The following FOXP2 variants were observed in gnomAD, a reference collection of about 807,000 sequenced individuals.
FOXP2 encodes forkhead box protein P2.
In FOXP2, 12 loss-of-function variants were observed where a neutral mutation model predicts 115.8. The ratio of observed to expected loss-of-function variants is 0.10; its 90% CI spans 0.07 to 0.17. FOXP2 has a LOEUF of 0.17. FOXP2 is among the 10% of genes least tolerant of loss of function. The pLI is 1.00. For missense variants in FOXP2, 629 were observed against 843.5 expected, an observed-to-expected ratio of 0.75 and a Z score of 3.15; for synonymous variants, 328 against 297.7, an observed-to-expected ratio of 1.10 and a Z score of -1.05.
chr7:114,127,648 A>G (rs1791752065), intron 1 of FOXP2, among the ~76,000 whole-genome samples: 1 of 152,242 alleles, frequency 6.6e-6, no homozygotes, highest in Admixed American at 6.5e-5. Context: ...AGGTAGAAAC[A>G]TGAAAAGAAG....
chr7:114,587,877 T>TTTTATATATATATA (rs1802217431), intron 3 of FOXP2, among the ~76,000 whole-genome samples: 1 of 43,220 alleles, frequency 2.3e-5, no homozygotes, highest in South Asian at 1.0e-3. Flanking sequence ...TAAGAGATAA[T>TTTTATATATATATA]TAAATCCACC....
At chr7:114,099,988 T>C (rs1005904762) in intron 1 of FOXP2, among the ~76,000 whole-genome samples, 1 of 152,232 alleles carries the variant, frequency 6.6e-6, no homozygotes, top group Admixed American at 6.5e-5. Context: ...GTAATCTTTC[T>C]ACTGTCTATG....
At chr7:114,386,238 C>T (rs907716811) in intron 2 of FOXP2, among the ~76,000 whole-genome samples, 1 of 152,082 alleles carries the variant, frequency 6.6e-6, no homozygotes. Flanking sequence ...AGTGCAGTTG[C>T]AAGATTTAAT....
intron 6 of FOXP2, among the ~76,000 whole-genome samples, chr7:114,638,666 T>A (rs1805355151): frequency 6.6e-6 from 1 of 152,180 alleles, no homozygotes; most frequent in Admixed American, 6.5e-5. Flanking sequence ...TGCATTGGAA[T>A]CACCTTTGGA....
intron 3 of FOXP2, among the ~76,000 whole-genome samples, chr7:114,558,707 C>G (rs1026907047): frequency 1.3e-5 from 2 of 152,136 alleles, no homozygotes; most frequent in Non-Finnish European, 2.9e-5. Flanking sequence ...TACCTAGAGT[C>G]CTTTATTATC....
chr7:114,191,843 G>A (rs1036258991), intron 1 of FOXP2, among the ~76,000 whole-genome samples: 59 of 152,082 alleles, frequency 3.9e-4, no homozygotes, highest in African/African-American at 1.4e-3. Flanking sequence ...TTTGACAAAT[G>A]TACGATGTCA....
chr7:114,430,862 G>C (rs1216024295), intron 2 of FOXP2, among the ~76,000 whole-genome samples: 1 of 151,758 alleles, frequency 6.6e-6, no homozygotes, highest in African/African-American at 2.4e-5. Flanking sequence ...GGTGTTTCTA[G>C]GTTAAGCACA....
intron 2 of FOXP2, among the ~76,000 whole-genome samples, chr7:114,517,056 G>A (rs533276402): frequency 1.3e-5 from 2 of 151,774 alleles, no homozygotes; most frequent in South Asian, 2.1e-4. Flanking sequence ...ACAGATGTGA[G>A]ATGATACCTC....
chr7:114,268,327 A>G (rs1203800703), intron 1 of FOXP2, among the ~76,000 whole-genome samples: 1 of 152,224 alleles, frequency 6.6e-6, no homozygotes, highest in Admixed American at 6.5e-5. Flanking sequence ...AATTAAAGTC[A>G]TAATGTGATT....
chr7:114,289,488 C>A (rs973046772), intron 2 of FOXP2, among the ~76,000 whole-genome samples: 1 of 151,790 alleles, frequency 6.6e-6, no homozygotes, highest in African/African-American at 2.4e-5. Flanking sequence ...TACCAATATA[C>A]TCTATCTTTA....
intron 1 of FOXP2, among the ~76,000 whole-genome samples, chr7:114,092,753 A>G (rs1248531388): frequency 6.6e-6 from 1 of 152,030 alleles, no homozygotes; most frequent in African/African-American, 2.4e-5. Context: ...ATTCCTCACT[A>G]TTACCTCACC....
At chr7:114,687,743 C>A (rs928111054) in intron 16 of FOXP2, among the ~76,000 whole-genome samples, 1 of 152,042 alleles carries the variant, frequency 6.6e-6, no homozygotes, top group East Asian at 1.9e-4. Flanking sequence ...TTTTAGAAGC[C>A]TTTCTTTGTC....
intron 1 of FOXP2, among the ~76,000 whole-genome samples, chr7:114,095,299 G>A (rs62468057): frequency 0.19 from 28,981 of 151,964 alleles, 3,515 homozygotes; most frequent in Middle Eastern, 0.3. Context: ...CAAATCTAAA[G>A]CTATTTGTAT....
At chr7:114,145,390 T>C (rs996330152) in intron 1 of FOXP2, among the ~76,000 whole-genome samples, 8 of 151,472 alleles carry the variant, frequency 5.3e-5, no homozygotes, top group Admixed American at 6.6e-5. Flanking sequence ...CTTTGAATAA[T>C]TAAATATTGG....
chr7:114,267,953 C>T (rs958160362), intron 1 of FOXP2, among the ~76,000 whole-genome samples: 5 of 151,758 alleles, frequency 3.3e-5, no homozygotes, highest in Non-Finnish European at 7.4e-5. Flanking sequence ...CAATAATATA[C>T]TTCTCATTTC....
intron 2 of FOXP2, among the ~76,000 whole-genome samples, chr7:114,368,034 G>A (rs1460846549): frequency 1.3e-5 from 2 of 152,056 alleles, no homozygotes; most frequent in Admixed American, 1.3e-4. Context: ...TACTACTCCA[G>A]TTTTCCTAAC....
chr7:114,331,671 T>TG (rs567109265), intron 2 of FOXP2, among the ~76,000 whole-genome samples: 6 of 152,150 alleles, frequency 3.9e-5, no homozygotes, highest in Non-Finnish European at 8.8e-5. Flanking sequence ...TTTTTTTTTT[T>TG]TTCTTTTGTT....
intron 16 of FOXP2, among the ~76,000 whole-genome samples, chr7:114,676,742 C>T (rs569308132): frequency 1.3e-5 from 2 of 152,126 alleles, no homozygotes; most frequent in South Asian, 2.1e-4. Context: ...TCTCAAATAA[C>T]TAGAATTATA....
At chr7:114,384,105 C>T (rs986462945) in intron 2 of FOXP2, among the ~76,000 whole-genome samples, 11 of 151,722 alleles carry the variant, frequency 7.3e-5, no homozygotes, top group Non-Finnish European at 5.9e-5. Flanking sequence ...CTCTGCTTAT[C>T]GGATTAGTTA....
Sources: gnomAD v4.1 joint callset for allele counts (sites outside exome capture counted in the v4.1 genomes callset) on GRCh38, gnomAD v4.1.1 for gene constraint, MANE v1.5 for transcripts, NCBI Gene and HGNC (gene_info 2026-07-23, HGNC 2026-07-21) for gene names.